DCN: variants seen among roughly 807,000 people sequenced by gnomAD.
DCN encodes decorin.
In DCN, 17 loss-of-function variants were observed where a neutral mutation model predicts 36.5. The observed-to-expected ratio is 0.47, with a 90% confidence interval of 0.32 to 0.70. The LOEUF (loss-of-function observed/expected upper bound fraction) is 0.70, where lower values mean the gene tolerates loss of function less well. Ranked by LOEUF, DCN falls within the 30% of genes least tolerant of loss-of-function variation. The probability of loss-of-function intolerance (pLI) is 0.04; values close to 1 mark genes in which losing one functional copy is unlikely to be tolerated. For synonymous variants in DCN, 163 were observed against 161.4 expected, an observed-to-expected ratio of 1.01 and a Z score of -0.07; for missense variants, 389 against 430.1, an observed-to-expected ratio of 0.90 and a Z score of 0.84.
At chr12:91,157,861 C>T (rs1881896511) in intron 4 of DCN, among the ~76,000 whole-genome samples, 1 of 152,140 alleles carries the variant, frequency 6.6e-6, no homozygotes, top group South Asian at 2.1e-4. Context: ...ATCTCCTGAC[C>T]TCGTGATCCG....
intron 7 of DCN, among the ~76,000 whole-genome samples, chr12:91,147,552 T>A (rs1418760028): frequency 2.6e-5 from 4 of 152,030 alleles, no homozygotes; most frequent in Non-Finnish European, 5.9e-5. Flanking sequence ...AATAAATATG[T>A]GTTGAATGAA....
intron 3 of DCN, 37 bp downstream of exon 3, chr12:91,164,568 C>T (rs752179884): frequency 8.6e-7 from 1 of 1,158,934 alleles, no homozygotes; most frequent in Non-Finnish European, 1.3e-6. Context: ...TACCTTGAGT[C>T]TTATCTTATT....
chr12:91,156,019 A>C (rs1357290562), intron 5 of DCN, among the ~76,000 whole-genome samples: 1 of 152,192 alleles, frequency 6.6e-6, no homozygotes, highest in East Asian at 1.9e-4. Context: ...AAGTTGAGAA[A>C]GGGACAGACT....
chr12:91,162,679 T>TA (rs1565781168), intron 3 of DCN, among the ~76,000 whole-genome samples: 1 of 152,204 alleles, frequency 6.6e-6, no homozygotes, highest in Non-Finnish European at 1.5e-5. Context: ...CACAGGCAGG[T>TA]AACAAATCAC....
intron 3 of DCN, among the ~76,000 whole-genome samples, chr12:91,161,485 T>C (rs1423500138): frequency 4.6e-5 from 7 of 152,234 alleles, no homozygotes; most frequent in Non-Finnish European, 1.0e-4. Flanking sequence ...GTCTCCTTTT[T>C]AAACTTATGC....
At position 91,143,522 on chromosome 12, in the gene DCN, G is replaced by A. The variant is rs992266151; in HGVS notation, c.*2536C>T. On this transcript the variant is annotated 3_prime_UTR_variant, in exon 8 of 8. Transcript: ENST00000052754. ...ATTTCCCTTGAAATGATTATAGCTC[G>A]AACTGTGTGCCTGTAATAACAATGG... 2.0e-5 allele frequency: 3 copies of A among 152,108 alleles called. No individual in the cohort carries two copies. Among genetic ancestry groups the A allele is most frequent in the South Asian group, 2.1e-4 (1 of 4,828 alleles). The allele number at this position is 152,108 out of a possible 1,614,324, so 9.4% of individuals were successfully genotyped here.
intron 2 of DCN, among the ~76,000 whole-genome samples, chr12:91,173,064 G>A (rs2121299072): frequency 6.6e-6 from 1 of 152,200 alleles, no homozygotes; most frequent in Middle Eastern, 3.4e-3. Context: ...TACTGTTACA[G>A]TATATATGCT....
intron 2 of DCN, chr12:91,177,223 TGAA>T (rs1319219525): frequency 2.0e-5 from 5 of 244,650 alleles, no homozygotes; most frequent in Non-Finnish European, 3.1e-5. Flanking sequence ...ATATATGTGT[TGAA>T]GAAGCTATTT....
intron 7 of DCN, 49 bp from the exon 8 acceptor site, chr12:91,146,301 A>T: frequency 2.1e-6 from 2 of 966,672 alleles, no homozygotes; most frequent in Non-Finnish European, 3.2e-6. Flanking sequence ...AAATATGTTG[A>T]GGCCCTTCAG....
chr12:91,158,351 C>T lies in DCN; in HGVS notation c.483G>A (p.Glu161=). The part of the protein sequence containing the change: ...TLQELRAHEN[E]ITKVRKVTFN... ...AAGTAACTTTTCGCACTTTGGTGAT[C>T]TCATTCTCATGGGCACGCAGCTCCT... The change falls in exon 4 of 8, where the codon GAG becomes GAA. Residue 161 remains glutamate, a synonymous_variant. Coordinates refer to ENST00000052754, the MANE Select transcript of DCN (RefSeq NM_001920.5). The T allele has an allele frequency of 6.2e-7, 1 of 1,613,940 alleles. No individual in the cohort carries two copies. The highest frequency in any genetic ancestry group is 8.5e-7 in the Non-Finnish European group (1 of 1,179,824).
chr12:91,172,802 C>A, intron 2 of DCN: 1 of 690,534 alleles, frequency 1.4e-6, no homozygotes, highest in South Asian at 1.5e-5. Context: ...TGTAAAGAGT[C>A]TACAAAGTAT....
In DCN at chr12:91,171,596, C is replaced by T. The variant is rs192870220; in HGVS notation, c.211+6746G>A. On this transcript the variant is annotated intron_variant, in intron 2 of 7. Coordinates refer to ENST00000052754, the MANE Select transcript of DCN (RefSeq NM_001920.5). ...ACAGCTGCTACCCAATTCTGGGATG[C>T]TTGCTCTGGGACAGCCAGGGGCCAT... 1.9e-3 allele frequency among the ~76,000 whole-genome samples: 282 copies of T among 152,286 alleles called. 1 individual carries two copies. Among genetic ancestry groups the T allele is most frequent in the Non-Finnish European group, 2.9e-3 (198 of 68,018 alleles).
At chr12:91,164,343 G>A (rs1882361344) in intron 3 of DCN, among the ~76,000 whole-genome samples, 1 of 125,342 alleles carries the variant, frequency 8.0e-6, no homozygotes, top group Admixed American at 9.3e-5. Context: ...ATGTGCACAT[G>A]TACCCTAAAA....
chr12:91,164,400 CAAA>C (rs5799980), intron 3 of DCN, among the ~76,000 whole-genome samples: 77 of 78,918 alleles, frequency 9.8e-4, no homozygotes, highest in African/African-American at 3.5e-3. Flanking sequence ...AAGCATAATT[CAAA>C]AAAAAAAAAA....
chr12:91,151,612 G>A, intron 7 of DCN, 42 bp downstream of exon 7: 1 of 1,612,718 alleles, frequency 6.2e-7, no homozygotes, highest in East Asian at 2.2e-5. Context: ...TGGGGGTCTT[G>A]CTTTTTGGAT....
At chr12:91,164,853 A>G (rs972424680) in intron 2 of DCN, 136 bp from the exon 3 acceptor site, 1 of 655,764 alleles carries the variant, frequency 1.5e-6, no homozygotes. Context: ...TTCTTCTAAG[A>G]ATTACATTCA....
chr12:91,152,074 G>T (rs1467145721), intron 6 of DCN, among the ~76,000 whole-genome samples: 1 of 151,984 alleles, frequency 6.6e-6, no homozygotes, highest in Non-Finnish European at 1.5e-5. Context: ...TCAAATTATG[G>T]TCAACCATAA....
chr12:91,172,678 T>G, intron 2 of DCN: 1 of 670,750 alleles, frequency 1.5e-6, no homozygotes, highest in South Asian at 1.6e-5. Flanking sequence ...GCATGTTCCC[T>G]TCTCTTTGCA....
In DCN at chr12:91,164,590, A is replaced by C. The variant is rs772404315; in HGVS notation, c.324+15T>G. The stretch of plus-strand genomic sequence containing the variant: ...AGTCTTATCTTATTGTGAGTTAAAA[A>C]AAAATAGTTCTTACGTGAAGGTTCT... On this transcript the variant is annotated intron_variant, in intron 3 of 7. Transcript: ENST00000052754. 3.5e-6 allele frequency: 5 copies of C among 1,445,758 alleles called. No homozygotes were observed. Among genetic ancestry groups the C allele is most frequent in the Non-Finnish European group, 4.9e-6 (5 of 1,027,072 alleles). The allele number at this position is 1,445,758 out of a possible 1,614,324, so 89.6% of individuals were successfully genotyped here. A position where few individuals can be genotyped will look rare whatever the true frequency, so the allele number is the denominator to read the frequency against.
Sources: allele counts gnomAD v4.1 joint callset (sites outside exome capture counted in the v4.1 genomes callset), GRCh38; gene constraint gnomAD v4.1.1; transcripts MANE v1.5; gene names NCBI Gene and HGNC (gene_info 2026-07-23, HGNC 2026-07-21).